PCMT1: variants seen among roughly 807,000 people sequenced by gnomAD.
PCMT1 encodes protein-L-isoaspartate(D-aspartate) O-methyltransferase.
PCMT1 carries 9 observed loss-of-function variants against 29.2 expected under a neutral mutation model. The ratio of observed to expected loss-of-function variants is 0.31; its 90% CI spans 0.19 to 0.54. The LOEUF is 0.54. PCMT1 is among the 20% of genes least tolerant of loss of function. PCMT1 has a pLI of 0.95. For missense variants in PCMT1, 184 were observed against 282.2 expected, an observed-to-expected ratio of 0.65 and a Z score of 2.49; for synonymous variants, 98 against 97.5, an observed-to-expected ratio of 1.00 and a Z score of -0.03.
At chr6:149,782,434 G>A (rs947486063) in intron 3 of PCMT1, among the ~76,000 whole-genome samples, 9 of 152,158 alleles carry the variant, frequency 5.9e-5, no homozygotes, top group Non-Finnish European at 1.2e-4. Context: ...AAAATGTGAT[G>A]CGTGCAGTGG....
At chr6:149,784,960 G>A (rs1232849697) in intron 3 of PCMT1, among the ~76,000 whole-genome samples, 1 of 152,066 alleles carries the variant, frequency 6.6e-6, no homozygotes, top group South Asian at 2.1e-4. Context: ...AATTTTTATA[G>A]TTAATTCGCT....
chr6:149,785,966 A>C (rs1788029428), intron 3 of PCMT1, among the ~76,000 whole-genome samples: 3 of 143,384 alleles, frequency 2.1e-5, no homozygotes, highest in African/African-American at 5.3e-5. Flanking sequence ...GGGGCTCCTC[A>C]CTTCCCAGTA....
In PCMT1 at chr6:149,802,398, C is replaced by G. The variant is rs1490226699; in HGVS notation, c.*19C>G. 2 of 1,593,200 alleles carry G rather than the reference C, an allele frequency of 1.3e-6. No individual in the cohort carries two copies. Among genetic ancestry groups the G allele is most frequent in the Non-Finnish European group, 1.7e-6 (2 of 1,167,478 alleles). ...GAAGTGATTTTATCTTCTGCTCTTT[C>G]TTCTTCCACACATGCAAGGTGAAAG... is the stretch of plus-strand genomic sequence containing the variant. On this transcript the variant is annotated 3_prime_UTR_variant, in exon 7 of 8. Coordinates refer to ENST00000464889, the MANE Select transcript of PCMT1 (RefSeq NM_001360452.2).
intron 1 of PCMT1, chr6:149,750,377 A>G (rs1786258596): frequency 5.7e-6 from 1 of 176,480 alleles, no homozygotes; most frequent in Non-Finnish European, 1.2e-5. Flanking sequence ...CGTCCCCTGC[A>G]TTTTTCTCAC....
intron 1 of PCMT1, among the ~76,000 whole-genome samples, chr6:149,762,861 ATATATATATCTATGATATATATGT>A (rs1786864763): frequency 1.8e-5 from 1 of 54,090 alleles, no homozygotes; most frequent in South Asian, 5.8e-4. Context: ...TATATCTATG[ATATATATATCTATGATATATATGT>A]TATATATATC....
chr6:149,784,153 T>C (rs149990630), intron 3 of PCMT1, among the ~76,000 whole-genome samples: 191 of 152,322 alleles, frequency 1.3e-3, no homozygotes, highest in Middle Eastern at 3.4e-3. Context: ...GTGTTACCCC[T>C]AAAAGGGTTC....
chr6:149,783,300 T>C (rs1202081033), intron 3 of PCMT1, among the ~76,000 whole-genome samples: 1 of 151,892 alleles, frequency 6.6e-6, no homozygotes, highest in Non-Finnish European at 1.5e-5. Context: ...GCCTGGATAA[T>C]TTCTGTAGTT....
At chr6:149,793,510 T>G in intron 4 of PCMT1, 39 bp from the exon 5 acceptor site, 2 of 1,399,998 alleles carry the variant, frequency 1.4e-6, no homozygotes, top group Non-Finnish European at 9.3e-7. Flanking sequence ...AAAAACAAAT[T>G]TAGCCCAATG....
chr6:149,804,033 A>G (rs1160078796), intron 7 of PCMT1, among the ~76,000 whole-genome samples: 1 of 144,016 alleles, frequency 6.9e-6, no homozygotes, highest in African/African-American at 2.6e-5. Flanking sequence ...GTGAGTCGAG[A>G]TCACACTACT....
At chr6:149,794,720 G>A (rs893941632) in intron 5 of PCMT1, 8 of 428,948 alleles carry the variant, frequency 1.9e-5, no homozygotes, top group Non-Finnish European at 3.7e-5. Context: ...TGCTTGCCTT[G>A]GCCTTTGCCC....
intron 3 of PCMT1, among the ~76,000 whole-genome samples, chr6:149,786,023 G>A (rs1221776035): frequency 6.7e-6 from 1 of 148,816 alleles, no homozygotes; most frequent in African/African-American, 2.5e-5. Context: ...CGGGGCGGCT[G>A]GCCGGGCGGG....
At chr6:149,786,423 C>G (rs1422541006) in intron 3 of PCMT1, among the ~76,000 whole-genome samples, 1 of 144,446 alleles carries the variant, frequency 6.9e-6, no homozygotes, top group Admixed American at 6.8e-5. Context: ...GCTGACCCCC[C>G]ACCTCCCTCC....
chr6:149,780,184 A>G (rs1009569507), intron 3 of PCMT1, among the ~76,000 whole-genome samples: 9 of 151,390 alleles, frequency 5.9e-5, no homozygotes, highest in Non-Finnish European at 1.5e-5. Flanking sequence ...ACAAAAAATA[A>G]AAAACATTTA....
chr6:149,750,187 C>G, intron 1 of PCMT1: 1 of 614,146 alleles, frequency 1.6e-6, no homozygotes, highest in South Asian at 2.1e-5. Context: ...GGGGCCGCTG[C>G]TGGTGGGGGC....
chr6:149,762,689 TATATATATATCTATG>T (rs1262131032), intron 1 of PCMT1, among the ~76,000 whole-genome samples: 6 of 29,060 alleles, frequency 2.1e-4, no homozygotes, highest in Non-Finnish European at 2.7e-4. Flanking sequence ...ATATCTATGA[TATATATATATCTATG>T]ATATATATAT....
intron 7 of PCMT1, among the ~76,000 whole-genome samples, chr6:149,807,037 C>A (rs2095375): frequency 0.53 from 81,113 of 151,990 alleles, 24,842 homozygotes; most frequent in East Asian, 0.83. Context: ...TTTGCTGAGG[C>A]GATGTGGCAG....
chr6:149,773,615 G>A (rs1487044526), intron 3 of PCMT1, among the ~76,000 whole-genome samples: 2 of 152,130 alleles, frequency 1.3e-5, no homozygotes, highest in Non-Finnish European at 2.9e-5. Flanking sequence ...CCTGACCCTC[G>A]TGATCCGCCT....
chr6:149,790,127 A>G (rs1788294836), intron 4 of PCMT1, 69 bp downstream of exon 4: 3 of 868,978 alleles, frequency 3.5e-6, no homozygotes, highest in Non-Finnish European at 3.6e-6. Context: ...ATGTTTTTTT[A>G]ACTAGTGGTT....
At chr6:149,782,661 A>C (rs1787860956) in intron 3 of PCMT1, among the ~76,000 whole-genome samples, 1 of 152,210 alleles carries the variant, frequency 6.6e-6, no homozygotes, top group African/African-American at 2.4e-5. Context: ...CAAAGGCCAA[A>C]TTGGAGAGAA....
Sources: gnomAD v4.1 joint callset for allele counts (sites outside exome capture counted in the v4.1 genomes callset) on GRCh38, gnomAD v4.1.1 for gene constraint, MANE v1.5 for transcripts, NCBI Gene and HGNC (gene_info 2026-07-23, HGNC 2026-07-21) for gene names.